The following KIF21A variants were observed in gnomAD, a reference collection of about 807,000 sequenced individuals.
KIF21A encodes the protein kinesin-like protein KIF21A.
A neutral mutation model predicts 202.9 loss-of-function variants in KIF21A; 114 were observed. The ratio of observed to expected loss-of-function variants is 0.56; its 90% CI spans 0.48 to 0.66. The LOEUF (loss-of-function observed/expected upper bound fraction) is 0.66, where lower values mean the gene tolerates loss of function less well. Among genes scored for constraint, KIF21A ranks in the 30% least tolerant of loss-of-function variants. The probability of loss-of-function intolerance (pLI) is 0.00; values close to 1 mark genes in which losing one functional copy is unlikely to be tolerated. For synonymous variants in KIF21A, 667 were observed against 670.8 expected (o/e 0.99, Z 0.09); for missense variants, 1,677 against 1,994.9 (o/e 0.84, Z 3.04).
chr12:39,316,281 T>C (rs1056859042), intron 29 of KIF21A, among the ~76,000 whole-genome samples: 57 of 152,250 alleles, frequency 3.7e-4, no homozygotes, highest in African/African-American at 1.3e-3. Context: ...ACATGAGATA[T>C]AGCACTTCAA....
intron 1 of KIF21A, among the ~76,000 whole-genome samples, chr12:39,395,721 A>G (rs574503497): frequency 6.6e-6 from 1 of 152,086 alleles, no homozygotes; most frequent in South Asian, 2.1e-4. Flanking sequence ...GGGCGCCTGT[A>G]GTCCCAGCTA....
intron 35 of KIF21A, among the ~76,000 whole-genome samples, 185 bp downstream of exon 35, chr12:39,304,636 G>A (rs1412486820): frequency 2.6e-5 from 4 of 152,132 alleles, no homozygotes; most frequent in African/African-American, 9.7e-5. Flanking sequence ...TATGAAAAGT[G>A]AGAATGCATG....
At chr12:39,378,274 A>G (rs975340293) in intron 1 of KIF21A, among the ~76,000 whole-genome samples, 2 of 152,164 alleles carry the variant, frequency 1.3e-5, no homozygotes, top group African/African-American at 4.8e-5. Context: ...AGTTCTCTCA[A>G]TTGAGGAAAC....
At chr12:39,380,733 G>A (rs1282637422) in intron 1 of KIF21A, among the ~76,000 whole-genome samples, 2 of 152,072 alleles carry the variant, frequency 1.3e-5, no homozygotes, top group Non-Finnish European at 2.9e-5. Flanking sequence ...AGGAAGGAAG[G>A]AAGGTAGGTA....
intron 12 of KIF21A, among the ~76,000 whole-genome samples, chr12:39,345,121 A>AC (rs1947781627): frequency 6.6e-6 from 1 of 152,100 alleles, no homozygotes; most frequent in African/African-American, 2.4e-5. Flanking sequence ...TGTACACACG[A>AC]CTATGTTTGA....
chr12:39,336,952 T>C, intron 17 of KIF21A, 144 bp downstream of exon 17: 2 of 646,832 alleles, frequency 3.1e-6, no homozygotes, highest in Non-Finnish European at 5.6e-6. Context: ...CTGTAATAAA[T>C]GACATTTTAT....
Position 39,341,614 on chromosome 12 carries a change from A to G in KIF21A, c.1812T>C (p.Ser604=). ...CATCCTCATGATCACTCACTTCTTG[A>G]CTTTCTTCCTAAAATGTGATTTGTA... ...RENNELEVEE[S]QEVSDHEDEE... Residue 604 remains serine (S), a synonymous_variant, in exon 14 of 38, where the codon AGT becomes AGC. Coordinates refer to ENST00000361418, the MANE Select transcript of KIF21A (RefSeq NM_001173464.2). 6.2e-7 allele frequency: 1 copy of G among 1,607,684 alleles called. No homozygotes were observed. Among genetic ancestry groups the G allele is most frequent in the Non-Finnish European group, 8.5e-7 (1 of 1,177,054 alleles).
In KIF21A at chr12:39,442,834, C is replaced by A; in HGVS notation, c.44+93G>T. ...CGGCCGGGACGCCCCTCAGGTCGCT[C>A]CACCCCGGTAGCCGGTGCTCCGCGC... On this transcript the variant is annotated intron_variant, in intron 1 of 37. Coordinates refer to ENST00000361418, the MANE Select transcript of KIF21A (RefSeq NM_001173464.2). The surrounding 1 kb of genome is among the most constrained non-coding windows in gnomAD (Gnocchi z 5.0). The A allele has an allele frequency of 6.9e-7, 1 of 1,458,794 alleles. No homozygotes were observed. Among genetic ancestry groups the A allele is most frequent in the South Asian group, 1.2e-5 (1 of 80,960 alleles). 90.4% of individuals were successfully genotyped at this position (1,458,794 alleles called of 1,614,324 possible). A position where few individuals can be genotyped will look rare whatever the true frequency, so the allele number is the denominator to read the frequency against.
intron 10 of KIF21A, 192 bp downstream of exon 10, chr12:39,356,640 A>T: frequency 2.2e-6 from 1 of 455,138 alleles, no homozygotes; most frequent in Admixed American, 4.1e-5. Context: ...GGGAAGAGAA[A>T]GGAGGAAAAC....
chr12:39,295,569 T>C (rs1426371913), intron 37 of KIF21A, among the ~76,000 whole-genome samples: 2 of 152,098 alleles, frequency 1.3e-5, no homozygotes, highest in Admixed American at 6.6e-5. Flanking sequence ...CACACATACA[T>C]TGATAACAGC....
intron 13 of KIF21A, 147 bp from the exon 14 acceptor site, chr12:39,341,769 T>C: frequency 1.1e-6 from 1 of 921,780 alleles, no homozygotes; most frequent in Non-Finnish European, 1.6e-6. Context: ...TATTACAGAG[T>C]AATTTTGTCT....
chr12:39,309,611 A>T lies in KIF21A; in HGVS notation c.4252T>A (p.Ser1418Thr), dbSNP rs201680308. The T allele has an allele frequency of 1.7e-4, 274 of 1,612,516 alleles. 1 individual carries two copies. Among genetic ancestry groups the T allele is most frequent in the Non-Finnish European group, 1.1e-4 (132 of 1,179,534 alleles). ...SYIKVWDIRD[S>T]AKCIRTLTSS... is the part of the protein sequence containing the mutation. ...GTTAGTGTTCGAATGCACTTTGCTG[A>T]ATCTCTGATATCCCACACCTTAATA... The change falls in exon 33 of 38, where the codon TCA becomes ACA. Residue 1418 changes from serine to threonine, a missense_variant. This residue lies in a region of KIF21A where 705 missense variants were observed against 791.9 expected (regional missense o/e 0.89). Coordinates refer to ENST00000361418, the MANE Select transcript of KIF21A (RefSeq NM_001173464.2).
chr12:39,330,165 A>C (rs1192490473), intron 24 of KIF21A, 77 bp downstream of exon 24: 2 of 1,357,698 alleles, frequency 1.5e-6, no homozygotes, highest in African/African-American at 1.4e-5. Context: ...TTAAAATAAG[A>C]TGTACCACAA....
At chr12:39,360,572 T>C (rs1314968180) in intron 7 of KIF21A, among the ~76,000 whole-genome samples, 1 of 152,046 alleles carries the variant, frequency 6.6e-6, no homozygotes, top group East Asian at 1.9e-4. Context: ...GTGTTTCTAT[T>C]AGTAGAAACG....
In KIF21A at chr12:39,358,270, C is replaced by A. The variant is rs761242353; in HGVS notation, c.1123G>T (p.Val375Leu). The stretch of plus-strand genomic sequence containing the variant: ...CTAGCTCTGTCCTGATTGACCATCA[C>A]CTTATTCTTGATATTTCTAGCTCGA... ...ANRARNIKNK[V>L]MVNQDRASQQ... is the part of the protein sequence containing the mutation. Residue 375 changes from valine (V) to leucine (L), a missense_variant, in exon 8 of 38, where the codon GTG becomes TTG. Coordinates refer to ENST00000361418, the MANE Select transcript of KIF21A (RefSeq NM_001173464.2). 6.2e-7 allele frequency: 1 copy of A among 1,614,064 alleles called. No homozygotes were observed. The highest frequency in any genetic ancestry group is 1.1e-5 in the South Asian group (1 of 91,080).
intron 34 of KIF21A, among the ~76,000 whole-genome samples, chr12:39,306,659 A>G (rs1339508289): frequency 6.6e-6 from 1 of 152,178 alleles, no homozygotes; most frequent in East Asian, 1.9e-4. Flanking sequence ...TGAATTGGAA[A>G]TGTTACTAAG....
chr12:39,361,624 G>C lies in KIF21A; in HGVS notation c.1019+1474C>G, dbSNP rs569148442. On this transcript the variant is annotated intron_variant, in intron 7 of 37. Transcript: ENST00000361418. ...GGGTTCACGCCATTCTCCTGCCTCA[G>C]CCTCCCGAGTAGCTGGGACTACAGG... Among the ~76,000 whole-genome samples the C allele has an allele frequency of 4.2e-5, 5 of 118,478 alleles. No individual in the cohort carries two copies. In the East Asian group the frequency reaches 1.5e-3, roughly 36 times the overall value. 77.7% of individuals were successfully genotyped at this position (118,478 alleles called of 152,430 possible).
At chr12:39,361,865 C>A (rs1239206295) in intron 7 of KIF21A, among the ~76,000 whole-genome samples, 1 of 152,122 alleles carries the variant, frequency 6.6e-6, no homozygotes, top group African/African-American at 2.4e-5. Context: ...TTAATATTAT[C>A]CAAAATTATT....
intron 13 of KIF21A, 141 bp from the exon 14 acceptor site, chr12:39,341,763 A>T (rs555631406): frequency 3.1e-6 from 3 of 966,906 alleles, no homozygotes; most frequent in East Asian, 5.2e-5. Context: ...TAAGGTTATT[A>T]CAGAGTAATT....
Sources: gnomAD v4.1 joint callset for allele counts (sites outside exome capture counted in the v4.1 genomes callset) on GRCh38, gnomAD v4.1.1 for gene constraint, gnomAD v4.1.1 regional missense constraint, Gnocchi (gnomAD v3.1) non-coding constraint, MANE v1.5 for transcripts, NCBI Gene and HGNC (gene_info 2026-07-23, HGNC 2026-07-21) for gene names.